RBM19: variants seen among roughly 807,000 people sequenced by gnomAD.
RBM19 encodes probable RNA-binding protein 19.
A neutral mutation model predicts 116.8 loss-of-function variants in RBM19; 94 were observed. The ratio of observed to expected loss-of-function variants is 0.80; its 90% confidence interval spans 0.68 to 0.95. The LOEUF (loss-of-function observed/expected upper bound fraction) is 0.95, where lower values mean the gene tolerates loss of function less well. Among genes scored for constraint, RBM19 ranks in the 40% least tolerant of loss-of-function variants. The probability of loss-of-function intolerance (pLI) is 0.00; values close to 1 mark genes in which losing one functional copy is unlikely to be tolerated. For missense variants in RBM19, 1,161 were observed against 1,220.7 expected (o/e 0.95, Z 0.73); for synonymous variants, 475 against 494.1 (o/e 0.96, Z 0.51).
intron 21 of RBM19, among the ~76,000 whole-genome samples, chr12:113,894,936 T>C (rs962529252): frequency 6.6e-6 from 1 of 152,166 alleles, no homozygotes; most frequent in African/African-American, 2.4e-5. Flanking sequence ...AGCAAAGCAC[T>C]TCCCCAAGCC....
chr12:113,915,169 G>T, intron 20 of RBM19, 84 bp from the exon 21 acceptor site: 1 of 1,091,044 alleles, frequency 9.2e-7, no homozygotes, highest in Non-Finnish European at 1.4e-6. Context: ...GCCTCCATCA[G>T]AATATTCAGG....
intron 4 of RBM19, 114 bp from the exon 5 acceptor site, chr12:113,959,518 T>C: frequency 8.2e-7 from 1 of 1,214,776 alleles, no homozygotes. Context: ...AGAAGATCCC[T>C]CAAGCTAATT....
intron 21 of RBM19, among the ~76,000 whole-genome samples, chr12:113,861,570 A>AAG (rs893174284): frequency 4.4e-5 from 6 of 137,094 alleles, no homozygotes; most frequent in East Asian, 2.2e-4. Flanking sequence ...GAAGGAGAGA[A>AAG]AGAGAGAGAG....
At chr12:113,838,026 T>C (rs779116860) in intron 23 of RBM19, among the ~76,000 whole-genome samples, 50 of 152,168 alleles carry the variant, frequency 3.3e-4, no homozygotes, top group Non-Finnish European at 6.2e-4. Context: ...GAAATAAATG[T>C]GAGCTATATA....
intron 8 of RBM19, 63 bp from the exon 9 acceptor site, chr12:113,950,217 A>T: frequency 3.8e-6 from 5 of 1,322,704 alleles, no homozygotes; most frequent in Non-Finnish European, 5.4e-6. Flanking sequence ...GGTGGTCCCC[A>T]GAGGAACACC....
intron 21 of RBM19, among the ~76,000 whole-genome samples, chr12:113,863,060 TG>T (rs912344988): frequency 8.2e-6 from 1 of 121,316 alleles, no homozygotes; most frequent in Admixed American, 7.8e-5. Flanking sequence ...AGGTGTGTGG[TG>T]GGGGGAGAGA....
At chr12:113,872,383 G>A (rs1444976431) in intron 21 of RBM19, among the ~76,000 whole-genome samples, 29 of 149,914 alleles carry the variant, frequency 1.9e-4, no homozygotes, top group Admixed American at 1.6e-3. Context: ...CACCCCGTCC[G>A]GGAGGGAGGT....
chr12:113,914,778 T>C (rs1882664411), intron 21 of RBM19, among the ~76,000 whole-genome samples, 191 bp downstream of exon 21: 1 of 152,198 alleles, frequency 6.6e-6, no homozygotes, highest in Non-Finnish European at 1.5e-5. Flanking sequence ...ACTTTTTTCC[T>C]GCACAGTGCT....
At chr12:113,965,013 T>G (rs1353967565) in intron 1 of RBM19, among the ~76,000 whole-genome samples, 1 of 151,438 alleles carries the variant, frequency 6.6e-6, no homozygotes, top group Non-Finnish European at 1.5e-5. Context: ...GGCTCACGCC[T>G]GTAATCCCAG....
At chr12:113,872,636 GCCGCCC>G (rs1879335158) in intron 21 of RBM19, among the ~76,000 whole-genome samples, 6 of 63,418 alleles carry the variant, frequency 9.5e-5, no homozygotes, top group African/African-American at 2.8e-4. Flanking sequence ...CCTCTGCCCG[GCCGCCC>G]CTACTGGGAA....
At chr12:113,955,017 C>T in intron 7 of RBM19, 114 bp downstream of exon 7, 2 of 1,036,738 alleles carry the variant, frequency 1.9e-6, no homozygotes, top group Non-Finnish European at 3.0e-6. Flanking sequence ...CAATTCCTTC[C>T]AGCTCATGTC....
At position 113,945,857 on chromosome 12, in the gene RBM19, T is replaced by G. The variant is rs138403609; in HGVS notation, c.1597A>C (p.Asn533His). Residue 533 changes from asparagine to histidine, a missense_variant, in exon 13 of 24, where the codon AAC (asparagine) becomes CAC (histidine). Physicochemically the swap from Asn to His is moderately conservative, Grantham distance 68. Transcript: ENST00000261741. ...AVADAIAQKY[N>H]ATKSQVFDHE... ...TCAAACACTTGACTCTTGGTGGCGT[T>G]GTACTTCTGTGCGATGGCATCGGCC... is the stretch of plus-strand genomic sequence containing the variant. The G allele has an allele frequency of 1.3e-6, 2 of 1,583,300 alleles. No homozygotes were observed. The highest frequency in any genetic ancestry group is 2.7e-5 in the African/African-American group (2 of 74,142).
downstream of RBM19, chr12:113,817,968 CCCGTAATCCCCACACTTT>C (rs1390331474): frequency 6.6e-6 from 1 of 152,148 alleles, no homozygotes; most frequent in Non-Finnish European, 1.5e-5. Context: ...GTGGCTCACA[CCCGTAATCCCCACACTTT>C]GGGAGGCCGA....
Position 113,852,061 on chromosome 12 carries a change from AT to A in RBM19, c.2664+6729del, listed in dbSNP as rs201737309. ...ACGAGATTGTCTCAAAAAAAAAAAA[AT>A]TATTTTAATGCTGTTAAAAGGGAGG... On this transcript the variant is annotated intron_variant, in intron 22 of 23. Transcript: ENST00000261741. 7.4e-4 allele frequency among the ~76,000 whole-genome samples: 109 copies of A among 146,388 alleles called. No individual in the cohort carries two copies. In the East Asian group the frequency reaches 0.019, roughly 26 times the overall value.
At chr12:113,842,319 C>T (rs556709317) in intron 23 of RBM19, among the ~76,000 whole-genome samples, 5 of 152,356 alleles carry the variant, frequency 3.3e-5, no homozygotes, top group South Asian at 4.1e-4. Flanking sequence ...GCAGATGGGC[C>T]CCCGTCTCCA....
rs1040849045 is a variant in RBM19 at position 113,825,153 on chromosome 12, G to T, written c.2786-1832C>A. Among the ~76,000 whole-genome samples, 37 of 152,252 alleles carry T rather than the reference G, an allele frequency of 2.4e-4. No homozygotes were observed. Among genetic ancestry groups the T allele is most frequent in the African/African-American group, 8.7e-4 (36 of 41,468 alleles). ...ACTGCCTGGTGCCTAGCAAGTGCTTGTGAAATATCCCAGAAAGGGGAATGA... is the reference window on the plus strand; with the variant it reads ...ACTGCCTGGTGCCTAGCAAGTGCTTTTGAAATATCCCAGAAAGGGGAATGA... On this transcript the variant is annotated intron_variant, in intron 23 of 23. Coordinates refer to ENST00000261741, the MANE Select transcript of RBM19 (RefSeq NM_016196.4). The surrounding 1 kb of genome is among the most constrained non-coding windows in gnomAD (Gnocchi z 5.7).
At chr12:113,864,625 T>G (rs1052568551) in intron 21 of RBM19, among the ~76,000 whole-genome samples, 2 of 152,196 alleles carry the variant, frequency 1.3e-5, no homozygotes, top group Non-Finnish European at 2.9e-5. Context: ...TTGTGGCAAG[T>G]TGGAGAGATA....
chr12:113,823,239 C>T lies in RBM19; in HGVS notation c.2868G>A (p.Gln956=). 6.2e-7 allele frequency: 1 copy of T among 1,611,306 alleles called. No homozygotes were observed. The highest frequency in any genetic ancestry group is 1.1e-5 in the South Asian group (1 of 91,072). Residue 956 remains glutamine, a synonymous_variant, in exon 24 of 24, where the codon CAG becomes CAA. Transcript: ENST00000261741. ...CGGTGCCAGCTCACAGCTGAAGGGT[C>T]TGCTCCTCGCTGTCGCTGTCACTGC... ...LEGSDSDSEE[Q]TLQL
At position 113,901,121 on chromosome 12, in the gene RBM19, C is replaced by A. The variant is rs530032857; in HGVS notation, c.2558+13848G>T. On this transcript the variant is annotated intron_variant, in intron 21 of 23. Coordinates refer to ENST00000261741, the MANE Select transcript of RBM19 (RefSeq NM_016196.4). ...ACTGAAGGTTAATATTTTCTACATT[C>A]TTTATAGTACAAGGTTCATGTATGA... is the stretch of plus-strand genomic sequence containing the variant. Among the ~76,000 whole-genome samples the A allele has an allele frequency of 6.6e-5, 10 of 152,256 alleles. No individual in the cohort carries two copies. In the South Asian group the frequency reaches 8.3e-4, roughly 13 times the overall value.
Sources: gnomAD v4.1 joint callset for allele counts (sites outside exome capture counted in the v4.1 genomes callset) on GRCh38, gnomAD v4.1.1 for gene constraint, Gnocchi (gnomAD v3.1) non-coding constraint, MANE v1.5 for transcripts, NCBI Gene and HGNC (gene_info 2026-07-23, HGNC 2026-07-21) for gene names.